Variants in CSMD1 observed in about 807,000 individuals in gnomAD.
CSMD1 encodes CUB and Sushi multiple domains 1.
A neutral mutation model predicts 417.5 loss-of-function variants in CSMD1; 213 were observed. The ratio of observed to expected loss-of-function variants is 0.51; its 90% CI spans 0.46 to 0.57. CSMD1 has a LOEUF of 0.57. Ranked by LOEUF, CSMD1 falls within the 20% of genes least tolerant of loss-of-function variation. The pLI is 0.00. For missense variants in CSMD1, 6,923 were observed against 4,529.7 expected (o/e 1.53, Z -15.17); for synonymous variants, 2,862 against 1,736.8 (o/e 1.65, Z -16.11).
chr8:4,775,320 G>A (rs1448579495), intron 1 of CSMD1, among the ~76,000 whole-genome samples: 1 of 152,144 alleles, frequency 6.6e-6, no homozygotes, highest in African/African-American at 2.4e-5. Flanking sequence ...AAGGTGATAT[G>A]TAGCAGTGAA....
chr8:3,478,602 C>G (rs571313107), intron 11 of CSMD1, among the ~76,000 whole-genome samples: 7 of 152,234 alleles, frequency 4.6e-5, no homozygotes, highest in African/African-American at 1.7e-4. Flanking sequence ...AACAGAAGGC[C>G]ACTCCGACTT....
chr8:4,160,896 T>A (rs946105714), intron 3 of CSMD1, among the ~76,000 whole-genome samples: 10 of 152,224 alleles, frequency 6.6e-5, no homozygotes, highest in Admixed American at 1.3e-4. Flanking sequence ...GCTGTTGTTC[T>A]CTGCTGAACA....
chr8:4,022,437 G>T (rs2688345), intron 4 of CSMD1, among the ~76,000 whole-genome samples: 2 of 151,868 alleles, frequency 1.3e-5, no homozygotes, highest in Non-Finnish European at 2.9e-5. Context: ...ATACATCCAT[G>T]GGCGTGGATG....
chr8:4,453,605 A>C (rs1014904460), intron 2 of CSMD1, among the ~76,000 whole-genome samples: 1 of 152,024 alleles, frequency 6.6e-6, no homozygotes, highest in Admixed American at 6.6e-5. Flanking sequence ...CTGTGAATCG[A>C]CAGCACAGTG....
chr8:3,764,348 C>G (rs1028946948), intron 5 of CSMD1, among the ~76,000 whole-genome samples: 5 of 152,214 alleles, frequency 3.3e-5, no homozygotes, highest in African/African-American at 1.2e-4. Context: ...CTGCCCCTCT[C>G]TGCTCTAAAC....
At chr8:3,389,148 T>C (rs1811196363) in intron 17 of CSMD1, among the ~76,000 whole-genome samples, 1 of 152,184 alleles carries the variant, frequency 6.6e-6, no homozygotes, top group Admixed American at 6.5e-5. Context: ...CAGGGGTACA[T>C]GTGCAGGTTT....
chr8:3,729,920 A>AGT (rs1322658113), intron 6 of CSMD1, among the ~76,000 whole-genome samples: 1 of 101,332 alleles, frequency 9.9e-6, no homozygotes, highest in Non-Finnish European at 2.0e-5. Context: ...GCCAATTCAA[A>AGT]GTAAAAAAAA....
chr8:3,457,022 C>A (rs1816192893), intron 12 of CSMD1, among the ~76,000 whole-genome samples: 1 of 151,856 alleles, frequency 6.6e-6, no homozygotes, highest in African/African-American at 2.4e-5. Context: ...ACATCTCATC[C>A]TGGACCCCTT....
chr8:4,185,673 G>A (rs1563240531), intron 3 of CSMD1, among the ~76,000 whole-genome samples: 1 of 152,158 alleles, frequency 6.6e-6, no homozygotes, highest in Non-Finnish European at 1.5e-5. Context: ...TCACGTAAAT[G>A]CCCAATGAAT....
At chr8:3,950,002 T>A in intron 5 of CSMD1, 1 of 455,916 alleles carries the variant, frequency 2.2e-6, no homozygotes, top group South Asian at 1.5e-5. Flanking sequence ...ACCCACTACA[T>A]TTGCCAGGGT....
intron 3 of CSMD1, among the ~76,000 whole-genome samples, chr8:4,213,218 G>A (rs1430033911): frequency 6.6e-6 from 1 of 152,136 alleles, no homozygotes; most frequent in African/African-American, 2.4e-5. Context: ...ATGGGTACTT[G>A]TTGTCTATGA....
At chr8:4,248,786 C>T (rs576570704) in intron 3 of CSMD1, among the ~76,000 whole-genome samples, 8 of 152,090 alleles carry the variant, frequency 5.3e-5, no homozygotes, top group Non-Finnish European at 1.2e-4. Flanking sequence ...CAGTTTTCCT[C>T]CTCTGAATGG....
At chr8:4,291,341 T>A (rs190172291) in intron 3 of CSMD1, among the ~76,000 whole-genome samples, 3 of 152,132 alleles carry the variant, frequency 2.0e-5, no homozygotes, top group African/African-American at 7.2e-5. Context: ...TTCCTTTAAA[T>A]TGATAAATTA....
Position 3,284,138 on chromosome 8 carries a change from A to C in CSMD1, c.4153+6T>G. On this transcript the variant is annotated splice_donor_region_variant and intron_variant, in intron 26 of 69. Transcript: ENST00000635120. ...AGGTAAAGAAGAAGCACGCTGTGCC[A>C]CCTACTGGAGAACTGGATGGAGAAG... The C allele has an allele frequency of 6.4e-7, 1 of 1,555,888 alleles. No individual in the cohort carries two copies. Among genetic ancestry groups the C allele is most frequent in the Non-Finnish European group, 8.7e-7 (1 of 1,149,052 alleles).
chr8:3,172,514 A>C (rs1820642892), intron 37 of CSMD1, among the ~76,000 whole-genome samples: 1 of 152,182 alleles, frequency 6.6e-6, no homozygotes, highest in Non-Finnish European at 1.5e-5. Context: ...CAAGAATTTA[A>C]ATTTGAAATT....
In CSMD1 at chr8:3,199,733, G is replaced by A; in HGVS notation, c.5175C>T (p.Gly1725=). 1 of 1,587,190 alleles carries A rather than the reference G, an allele frequency of 6.3e-7. No homozygotes were observed. The highest frequency in any genetic ancestry group is 8.6e-7 in the Non-Finnish European group (1 of 1,166,226). Residue 1725 remains glycine, a synonymous_variant, in exon 33 of 70, where the codon GGC becomes GGT. Transcript: ENST00000635120. ...FSAKSGASAR[G]FHFVYQAVPR... ...GCTTACCTTGATACACGAAGTGGAA[G>A]CCGCGGGCAGAGGCACCGCTCTTTG...
intron 3 of CSMD1, among the ~76,000 whole-genome samples, chr8:4,176,806 A>T (rs1167864664): frequency 6.7e-6 from 1 of 148,430 alleles, no homozygotes. Context: ...CAGACTTTAA[A>T]CCAACAACGA....
rs534003226 is a variant in CSMD1, at chr8:4,664,412, T to G, written c.86-26854A>C. Among the ~76,000 whole-genome samples the G allele has an allele frequency of 7.2e-5, 11 of 152,020 alleles. No homozygotes were observed. The South Asian group carries it at 1.2e-3, about 17-fold the overall frequency. On this transcript the variant is annotated intron_variant, in intron 1 of 69. Coordinates refer to ENST00000635120, the MANE Select transcript of CSMD1 (RefSeq NM_033225.6). The stretch of plus-strand genomic sequence containing the variant: ...CCATGTCTACAGTAGAAACGAAAAT[T>G]GAATGTTCCTGGTAGTTCCCGCCTG...
intron 2 of CSMD1, among the ~76,000 whole-genome samples, chr8:4,620,140 T>A (rs939481844): frequency 1.4e-4 from 22 of 151,896 alleles, no homozygotes; most frequent in African/African-American, 4.8e-4. Flanking sequence ...TTTCCCTTTT[T>A]AAGAGTAGGA....
Sources: gnomAD v4.1 joint callset for allele counts (sites outside exome capture counted in the v4.1 genomes callset) on GRCh38, gnomAD v4.1.1 for gene constraint, MANE v1.5 for transcripts, NCBI Gene and HGNC (gene_info 2026-07-23, HGNC 2026-07-21) for gene names.